XPR1: variants seen among roughly 807,000 people sequenced by gnomAD.
XPR1 encodes xenotropic and polytropic retrovirus receptor 1.
A neutral mutation model predicts 87.5 loss-of-function variants in XPR1; 28 were observed. That is an observed-to-expected ratio of 0.32 (90% CI 0.24 to 0.44). XPR1 has a LOEUF of 0.44. Among genes scored for constraint, XPR1 ranks in the 20% least tolerant of loss-of-function variants. The probability of loss-of-function intolerance (pLI) is 1.00; values close to 1 mark genes in which losing one functional copy is unlikely to be tolerated. For missense variants in XPR1, 559 were observed against 862.3 expected (o/e 0.65, Z 4.41); for synonymous variants, 300 against 306.1 (o/e 0.98, Z 0.21).
At chr1:180,691,473 C>A (rs139510860) in intron 2 of XPR1, among the ~76,000 whole-genome samples, 355 of 152,264 alleles carry the variant, frequency 2.3e-3, no homozygotes, top group African/African-American at 7.8e-3. Flanking sequence ...CTAATGTTAG[C>A]TTAATTCATC....
At chr1:180,668,764 G>T (rs746708443) in intron 1 of XPR1, among the ~76,000 whole-genome samples, 39 of 152,240 alleles carry the variant, frequency 2.6e-4, no homozygotes, top group Admixed American at 6.5e-4. Flanking sequence ...TATGATCAGA[G>T]AAAATACTTT....
At chr1:180,863,043 G>A (rs7522212) in intron 11 of XPR1, among the ~76,000 whole-genome samples, 6,541 of 152,072 alleles carry the variant, frequency 0.043, 502 homozygotes, top group African/African-American at 0.15. Flanking sequence ...TAAAGCCAAA[G>A]GTTACTTTAT....
intron 11 of XPR1, among the ~76,000 whole-genome samples, chr1:180,854,354 TA>T (rs1415447841): frequency 6.6e-6 from 1 of 152,230 alleles, no homozygotes; most frequent in Non-Finnish European, 1.5e-5. Context: ...TTTAGCAGGT[TA>T]TAGGAGAATT....
At chr1:180,719,456 G>A (rs1276929849) in intron 2 of XPR1, among the ~76,000 whole-genome samples, 1 of 152,136 alleles carries the variant, frequency 6.6e-6, no homozygotes, top group Non-Finnish European at 1.5e-5. Flanking sequence ...ACATGTTGGG[G>A]CTTAGAATAT....
intron 1 of XPR1, among the ~76,000 whole-genome samples, chr1:180,660,702 A>T (rs556126145): frequency 1.8e-4 from 27 of 150,960 alleles, no homozygotes; most frequent in Admixed American, 1.5e-3. Context: ...CGTTGTGGTC[A>T]GAGAAGATAA....
chr1:180,842,430 T>A (rs1360354599), intron 11 of XPR1, among the ~76,000 whole-genome samples: 1 of 152,170 alleles, frequency 6.6e-6, no homozygotes, highest in African/African-American at 2.4e-5. Flanking sequence ...AGGATGATAA[T>A]ATAAGTGAGC....
intron 2 of XPR1, among the ~76,000 whole-genome samples, chr1:180,687,611 T>G (rs1301052369): frequency 6.6e-6 from 1 of 152,138 alleles, no homozygotes; most frequent in Non-Finnish European, 1.5e-5. Flanking sequence ...TTCAGTGTAT[T>G]GAGAAATTAT....
At chr1:180,640,206 T>G (rs1654920670) in intron 1 of XPR1, among the ~76,000 whole-genome samples, 2 of 152,202 alleles carry the variant, frequency 1.3e-5, no homozygotes, top group Non-Finnish European at 2.9e-5. Context: ...TGAAATTAAA[T>G]CAAATCAGAC....
intron 3 of XPR1, among the ~76,000 whole-genome samples, chr1:180,794,068 G>A (rs933836556): frequency 1.3e-5 from 2 of 152,088 alleles, no homozygotes; most frequent in East Asian, 1.9e-4. Flanking sequence ...ATATAGTTAC[G>A]TGTCACTTAA....
At chr1:180,634,617 A>G (rs1397788194) in intron 1 of XPR1, among the ~76,000 whole-genome samples, 3 of 152,296 alleles carry the variant, frequency 2.0e-5, no homozygotes, top group South Asian at 2.1e-4. Context: ...TTAAAATGCT[A>G]TCAGTAGAAC....
chr1:180,740,607 G>A (rs992015533), intron 2 of XPR1, among the ~76,000 whole-genome samples: 2 of 152,066 alleles, frequency 1.3e-5, no homozygotes, highest in African/African-American at 4.8e-5. Flanking sequence ...AGGGATATTG[G>A]TCTGTAGTTT....
chr1:180,752,654 C>T (rs1647580351), intron 2 of XPR1, among the ~76,000 whole-genome samples: 1 of 152,060 alleles, frequency 6.6e-6, no homozygotes, highest in African/African-American at 2.4e-5. Context: ...ATAATTTTAA[C>T]TAAGGATTAT....
chr1:180,765,611 A>T (rs1004998317), intron 2 of XPR1, among the ~76,000 whole-genome samples: 1 of 152,244 alleles, frequency 6.6e-6, no homozygotes. Context: ...TAGTATTTAC[A>T]TATAACATAA....
rs112693416 is a variant in XPR1, at chr1:180,649,513, G to T, written c.69+17243G>T. ...TTAACTTTAGAGGTCACTCTTGAAT[G>T]ATATATGCAAATGCTCTGTGTTGTG... On this transcript the variant is annotated intron_variant, in intron 1 of 14. Coordinates refer to ENST00000367590, the MANE Select transcript of XPR1 (RefSeq NM_004736.4). Among the ~76,000 whole-genome samples, 526 of 152,310 alleles carry T rather than the reference G, an allele frequency of 3.5e-3. 6 individuals carry two copies. The highest frequency in any genetic ancestry group is 0.012 in the African/African-American group (500 of 41,570).
chr1:180,710,865 C>T (rs888219485), intron 2 of XPR1, among the ~76,000 whole-genome samples: 5 of 151,460 alleles, frequency 3.3e-5, no homozygotes, highest in African/African-American at 4.9e-5. Context: ...GGCAGCTGGC[C>T]GGGTGGGGGC....
At chr1:180,723,160 C>T (rs555279271) in intron 2 of XPR1, among the ~76,000 whole-genome samples, 2 of 152,264 alleles carry the variant, frequency 1.3e-5, no homozygotes, top group South Asian at 4.1e-4. Context: ...TCTAGGGAGT[C>T]AAACCCTGTA....
chr1:180,774,670 G>A (rs1558001902), intron 2 of XPR1, among the ~76,000 whole-genome samples: 2 of 151,740 alleles, frequency 1.3e-5, no homozygotes, highest in African/African-American at 2.4e-5. Context: ...GCCGCCCAAA[G>A]TGCTGGGATT....
intron 2 of XPR1, among the ~76,000 whole-genome samples, chr1:180,779,198 C>T (rs1376119524): frequency 2.9e-5 from 4 of 135,964 alleles, no homozygotes; most frequent in African/African-American, 1.0e-4. Flanking sequence ...GCCATCCATC[C>T]CAGTTCTTAC....
intron 11 of XPR1, among the ~76,000 whole-genome samples, chr1:180,840,953 A>T (rs1227504471): frequency 6.6e-6 from 1 of 152,172 alleles, no homozygotes; most frequent in Non-Finnish European, 1.5e-5. Flanking sequence ...GCACTAAAAA[A>T]AATAGCAACA....
Sources: allele counts gnomAD v4.1 joint callset (sites outside exome capture counted in the v4.1 genomes callset), GRCh38; gene constraint gnomAD v4.1.1; transcripts MANE v1.5; gene names NCBI Gene and HGNC (gene_info 2026-07-23, HGNC 2026-07-21).